Variants in C8orf34 observed in about 807,000 individuals in gnomAD.
The protein encoded by C8orf34 is uncharacterized protein C8orf34.
A neutral mutation model predicts 68.3 loss-of-function variants in C8orf34; 65 were observed. That is an observed-to-expected ratio of 0.95 (90% CI 0.78 to 1.17). The LOEUF is 1.17. C8orf34 is among the 50% of genes most tolerant of loss of function. The pLI is 0.00. For missense variants in C8orf34, 664 were observed against 655.4 expected, an observed-to-expected ratio of 1.01 and a Z score of -0.14; for synonymous variants, 244 against 241.2, an observed-to-expected ratio of 1.01 and a Z score of -0.11.
intron 1 of C8orf34, among the ~76,000 whole-genome samples, chr8:68,382,911 C>G (rs1425648878): frequency 6.6e-6 from 1 of 152,178 alleles, no homozygotes; most frequent in Non-Finnish European, 1.5e-5. Context: ...CATCCGTGCA[C>G]TGGCATCCAT....
At chr8:68,565,714 G>A (rs922495140) in intron 7 of C8orf34, among the ~76,000 whole-genome samples, 1 of 152,144 alleles carries the variant, frequency 6.6e-6, no homozygotes, top group African/African-American at 2.4e-5. Context: ...TACATTATAT[G>A]ATCTGGCAGT....
chr8:68,792,808 G>A (rs1183794763), intron 12 of C8orf34, among the ~76,000 whole-genome samples: 1 of 151,734 alleles, frequency 6.6e-6, no homozygotes, highest in African/African-American at 2.4e-5. Context: ...TTGCCAGAAA[G>A]CAATAAAAAA....
chr8:68,751,315 A>G (rs765399321), intron 10 of C8orf34, among the ~76,000 whole-genome samples: 2 of 152,218 alleles, frequency 1.3e-5, no homozygotes, highest in Non-Finnish European at 2.9e-5. Flanking sequence ...TGTAATTTCA[A>G]TTACATGGTA....
At chr8:68,497,837 GA>G (rs147316872) in intron 5 of C8orf34, among the ~76,000 whole-genome samples, 2 of 151,816 alleles carry the variant, frequency 1.3e-5, no homozygotes, top group Admixed American at 1.3e-4. Flanking sequence ...TTTTTGGGGG[GA>G]GATGGGGGGA....
At chr8:68,454,874 G>C (rs1811484878) in intron 3 of C8orf34, among the ~76,000 whole-genome samples, 1 of 151,604 alleles carries the variant, frequency 6.6e-6, no homozygotes, top group African/African-American at 2.4e-5. Context: ...TTATTAATGG[G>C]GACATTTACT....
chr8:68,739,257 ACT>A (rs1388883574), intron 10 of C8orf34, among the ~76,000 whole-genome samples: 1 of 152,082 alleles, frequency 6.6e-6, no homozygotes, highest in Non-Finnish European at 1.5e-5. Flanking sequence ...TATGTTAAAA[ACT>A]CTCAATAACC....
intron 7 of C8orf34, among the ~76,000 whole-genome samples, chr8:68,599,558 TGAAAG>T (rs951651332): frequency 6.6e-6 from 1 of 151,950 alleles, no homozygotes; most frequent in African/African-American, 2.4e-5. Context: ...ATACATAGTC[TGAAAG>T]GAAAGTCTGT....
intron 7 of C8orf34, among the ~76,000 whole-genome samples, chr8:68,538,510 C>A (rs1463977516): frequency 6.7e-6 from 1 of 149,640 alleles, no homozygotes; most frequent in African/African-American, 2.5e-5. Flanking sequence ...GAATATTTGA[C>A]AAAAGACAAT....
At chr8:68,683,583 G>A (rs547841576) in intron 8 of C8orf34, among the ~76,000 whole-genome samples, 2 of 152,004 alleles carry the variant, frequency 1.3e-5, no homozygotes, top group East Asian at 3.9e-4. Flanking sequence ...TGAAACATGG[G>A]TAGAAATGAA....
intron 1 of C8orf34, among the ~76,000 whole-genome samples, chr8:68,418,799 T>C (rs1288265209): frequency 4.6e-5 from 7 of 151,976 alleles, no homozygotes; most frequent in African/African-American, 1.7e-4. Context: ...TGAAACTGGA[T>C]CCCTTCCTTA....
In C8orf34 at chr8:68,488,007, C is replaced by A. The variant is rs761458926; in HGVS notation, c.737-16C>A. The A allele has an allele frequency of 5.1e-6, 8 of 1,571,532 alleles. No individual in the cohort carries two copies. Among genetic ancestry groups the A allele is most frequent in the Non-Finnish European group, 6.9e-6 (8 of 1,153,692 alleles). The stretch of plus-strand genomic sequence containing the variant: ...GCTTCTAAAACTTTTTTTTATAAAT[C>A]TCTTTTAAATCCCAGGTATTGCAAT... On this transcript the variant is annotated splice_polypyrimidine_tract_variant and intron_variant, in intron 4 of 13. Transcript: ENST00000518698.
chr8:68,370,887 TG>T (rs1807531364), intron 1 of C8orf34, among the ~76,000 whole-genome samples: 1 of 152,134 alleles, frequency 6.6e-6, no homozygotes, highest in Non-Finnish European at 1.5e-5. Context: ...AAAATAAAAT[TG>T]GAGGAATTTT....
chr8:68,536,358 C>CAAAAAAAAAAA (rs10696903), intron 7 of C8orf34, among the ~76,000 whole-genome samples: 43 of 49,100 alleles, frequency 8.8e-4, no homozygotes, highest in East Asian at 1.4e-3. Context: ...GACCCTATCT[C>CAAAAAAAAAAA]AAAAAAAAAA....
chr8:68,721,340 A>AT, intron 9 of C8orf34, 21 bp from the exon 10 acceptor site: 3 of 1,521,640 alleles, frequency 2.0e-6, no homozygotes, highest in Non-Finnish European at 2.7e-6. Context: ...TAATTTATTC[A>AT]TTTTTTAAAA....
chr8:68,611,332 C>T (rs1818017863), intron 7 of C8orf34, among the ~76,000 whole-genome samples: 1 of 152,098 alleles, frequency 6.6e-6, no homozygotes, highest in African/African-American at 2.4e-5. Context: ...ATTTGTTCTC[C>T]TTGGTTGTCA....
chr8:68,757,115 C>T (rs889743705), intron 10 of C8orf34, among the ~76,000 whole-genome samples: 3 of 152,164 alleles, frequency 2.0e-5, no homozygotes, highest in African/African-American at 7.2e-5. Flanking sequence ...TAAAGTCTTG[C>T]TGTGCAACTG....
chr8:68,638,514 A>G (rs937545801), intron 7 of C8orf34, among the ~76,000 whole-genome samples: 4 of 152,142 alleles, frequency 2.6e-5, no homozygotes, highest in African/African-American at 7.2e-5. Flanking sequence ...CAATCTTTAT[A>G]ATAAACTACC....
intron 11 of C8orf34, among the ~76,000 whole-genome samples, chr8:68,777,724 T>C (rs1232551118): frequency 6.6e-6 from 1 of 152,184 alleles, no homozygotes; most frequent in Admixed American, 6.5e-5. Flanking sequence ...TTCTAGGGAG[T>C]AACTGTGTGC....
At chr8:68,482,645 C>T (rs1303034626) in intron 4 of C8orf34, among the ~76,000 whole-genome samples, 2 of 152,130 alleles carry the variant, frequency 1.3e-5, no homozygotes, top group Non-Finnish European at 2.9e-5. Flanking sequence ...GTTTTACTTA[C>T]ACAGGTATTT....
Sources: gnomAD v4.1 joint callset for allele counts (sites outside exome capture counted in the v4.1 genomes callset) on GRCh38, gnomAD v4.1.1 for gene constraint, MANE v1.5 for transcripts, NCBI Gene and HGNC (gene_info 2026-07-23, HGNC 2026-07-21) for gene names.